CEP350: variants seen among roughly 807,000 people sequenced by gnomAD.
CEP350 encodes centrosome-associated protein 350.
A neutral mutation model predicts 331.8 loss-of-function variants in CEP350; 126 were observed. That is an observed-to-expected ratio of 0.38 (90% CI 0.33 to 0.44). CEP350 has a LOEUF of 0.44. Ranked by LOEUF, CEP350 falls within the 20% of genes least tolerant of loss-of-function variation. The pLI, the probability that CEP350 is intolerant of heterozygous loss-of-function variation, is 1.00. For synonymous variants in CEP350, 1,200 were observed against 1,259.5 expected, an observed-to-expected ratio of 0.95 and a Z score of 1.00; for missense variants, 3,406 against 3,634.6, an observed-to-expected ratio of 0.94 and a Z score of 1.62.
chr1:179,955,868 C>T (rs914457215), intron 1 of CEP350, among the ~76,000 whole-genome samples: 27 of 152,146 alleles, frequency 1.8e-4, no homozygotes, highest in Non-Finnish European at 2.8e-4. Context: ...TGATCAATAT[C>T]CATGTACTCC....
intron 34 of CEP350, 108 bp from the exon 35 acceptor site, chr1:180,095,415 T>C (rs1660428630): frequency 1.1e-5 from 14 of 1,260,278 alleles, no homozygotes; most frequent in Non-Finnish European, 1.4e-5. Context: ...TGCTTACTTA[T>C]AGAGAAATAT....
chr1:180,055,834 C>T lies in CEP350; in HGVS notation c.5262+1332C>T, dbSNP rs940191618. Among the ~76,000 whole-genome samples, 26 of 152,062 alleles carry T rather than the reference C, an allele frequency of 1.7e-4. 2 individuals are homozygous for T. The highest frequency in any genetic ancestry group is 1.5e-5 in the Non-Finnish European group (1 of 68,000). On this transcript the variant is annotated intron_variant, in intron 25 of 37. Coordinates refer to ENST00000367607, the MANE Select transcript of CEP350 (RefSeq NM_014810.5). ...TGCTGGGATTACAGGCATGAGCCAC[C>T]TTACCCGGCCTGAATTCTATTTTTT...
In CEP350 at chr1:180,114,019, G is replaced by A. The variant is rs975318121; in HGVS notation, c.*2858G>A. Reference sequence around the variant, plus strand: ...AATTTTTACCATAGGGAAAAGTGGGGAGAGCTCAAACGTAGTTAATAAGGA... The same window carrying A: ...AATTTTTACCATAGGGAAAAGTGGGAAGAGCTCAAACGTAGTTAATAAGGA... On this transcript the variant is annotated 3_prime_UTR_variant, in exon 38 of 38. Transcript: ENST00000367607. 1 of 152,586 alleles carries A rather than the reference G, an allele frequency of 6.6e-6. No homozygotes were observed. The highest frequency in any genetic ancestry group is 1.5e-5 in the Non-Finnish European group (1 of 68,014). The allele number at this position is 152,586 out of a possible 1,614,324, so 9.5% of individuals were successfully genotyped here.
chr1:180,058,733 A>G (rs745729983), intron 25 of CEP350, among the ~76,000 whole-genome samples: 17 of 152,218 alleles, frequency 1.1e-4, no homozygotes, highest in Non-Finnish European at 2.4e-4. Context: ...TTAAGTAAAT[A>G]TGCAAAATAT....
At chr1:179,969,228 C>T (rs998566256) in intron 1 of CEP350, 36 of 521,862 alleles carry the variant, frequency 6.9e-5, no homozygotes, top group South Asian at 5.7e-4. Context: ...GAAGTCATGC[C>T]TGATCTCTAC....
intron 6 of CEP350, 138 bp from the exon 7 acceptor site, chr1:180,003,036 A>G: frequency 1.7e-6 from 1 of 596,186 alleles, no homozygotes; most frequent in Non-Finnish European, 3.0e-6. Flanking sequence ...TTTTGTGAAT[A>G]TACTATAAAC....
intron 36 of CEP350, among the ~76,000 whole-genome samples, chr1:180,097,978 T>C (rs1382570358): frequency 2.6e-5 from 4 of 152,232 alleles, no homozygotes; most frequent in Non-Finnish European, 5.9e-5. Context: ...GTTTTTTCTT[T>C]GTTTTTCTTG....
rs750225372 is a variant in CEP350 at position 180,014,374 on chromosome 1, A to C, written c.1921A>C (p.Thr641Pro). The change falls in exon 10 of 38, where the codon ACT (threonine) becomes CCT (proline). Residue 641 changes from threonine (T) to proline (P), a missense_variant. By Grantham distance (38) the Thr-to-Pro change is conservative. Transcript: ENST00000367607. ...ELYRKQKEAF[T>P]KVKNVPPSEP... Reference sequence around the variant, plus strand: ...CTACCGGAAGCAGAAGGAAGCCTTTACTAAAGTAAAAAATGTCCCTCCTTC... The same window carrying C: ...CTACCGGAAGCAGAAGGAAGCCTTTCCTAAAGTAAAAAATGTCCCTCCTTC... 6.3e-7 allele frequency: 1 copy of C among 1,595,488 alleles called. No homozygotes were observed. The highest frequency in any genetic ancestry group is 1.3e-5 in the African/African-American group (1 of 74,628).
chr1:180,018,679 T>A (rs12144346), intron 11 of CEP350, among the ~76,000 whole-genome samples: 13,192 of 152,222 alleles, frequency 0.087, 707 homozygotes, highest in Middle Eastern at 0.12. Flanking sequence ...CATATTAGTT[T>A]GGTTTACGAT....
Position 180,080,673 on chromosome 1 carries a change from C to T in CEP350, c.6124+12C>T, listed in dbSNP as rs761674767. The T allele has an allele frequency of 1.2e-6, 2 of 1,610,858 alleles. No individual in the cohort carries two copies. Among genetic ancestry groups the T allele is most frequent in the South Asian group, 1.1e-5 (1 of 90,994 alleles). ...TATGACACAGTCAGGTAAGACTAATCATGAGGAGTTTTTATTTGTGTTGTA... is the reference window on the plus strand; with the variant it reads ...TATGACACAGTCAGGTAAGACTAATTATGAGGAGTTTTTATTTGTGTTGTA... On this transcript the variant is annotated intron_variant, in intron 30 of 37. Coordinates refer to ENST00000367607, the MANE Select transcript of CEP350 (RefSeq NM_014810.5).
chr1:180,090,272 C>T (rs949801464), intron 32 of CEP350, among the ~76,000 whole-genome samples: 7 of 151,838 alleles, frequency 4.6e-5, no homozygotes, highest in Admixed American at 6.6e-5. Context: ...TGAGGCCGGG[C>T]GCGGTGGCTC....
At position 180,034,265 on chromosome 1, in the gene CEP350, T is replaced by C. The variant is rs1656204427; in HGVS notation, c.3946+183T>C. ...GAAAAGCACGAGAGGTTCAGTAATG[T>C]TGACTTTTTTCCCATCTTGTCAGCC... On this transcript the variant is annotated intron_variant, in intron 16 of 37. Coordinates refer to ENST00000367607, the MANE Select transcript of CEP350 (RefSeq NM_014810.5). Among the ~76,000 whole-genome samples the C allele has an allele frequency of 2.0e-5, 3 of 152,292 alleles. No individual in the cohort carries two copies. In the South Asian group the frequency reaches 6.2e-4, roughly 32 times the overall value.
intron 32 of CEP350, among the ~76,000 whole-genome samples, 169 bp from the exon 33 acceptor site, chr1:180,090,545 C>CAAAAAAAAAAAAAAAAAAAAA (rs36128628): frequency 5.8e-4 from 45 of 77,358 alleles, no homozygotes; most frequent in Non-Finnish European, 9.2e-4. Context: ...GACTCCGTCT[C>CAAAAAAAAAAAAAAAAAAAAA]AAAAAAAAAA....
At chr1:180,031,078 C>G (rs533559498) in intron 14 of CEP350, among the ~76,000 whole-genome samples, 1 of 151,834 alleles carries the variant, frequency 6.6e-6, no homozygotes, top group Non-Finnish European at 1.5e-5. Flanking sequence ...TACTATTGCA[C>G]TAAGAATGAT....
chr1:179,991,707 G>GTATATA (rs756278179), intron 4 of CEP350, among the ~76,000 whole-genome samples: 119 of 96,960 alleles, frequency 1.2e-3, no homozygotes, highest in Middle Eastern at 9.4e-3. Context: ...GTGTGTGTGT[G>GTATATA]TATATATATA....
In CEP350 at chr1:180,019,966, C is replaced by T; in HGVS notation, c.2192C>T (p.Ser731Phe). ...QPLARKDLME[S>F]TWMQPERLSP... ...ATTTCCAGAAAAGACTTGATGGAAT[C>T]TACATGGATGCAGCCTGAAAGATTG... The change falls in exon 12 of 38, where the codon TCT becomes TTT. Residue 731 changes from serine to phenylalanine, a missense_variant. Physicochemically the swap from Ser to Phe is radical, Grantham distance 155 (BLOSUM62 -2). Around this residue, in one of 5 missense-constraint regions of CEP350, gnomAD observed 1,857 missense variants for 1,909.2 expected, o/e 0.97. Transcript: ENST00000367607. 6.2e-7 allele frequency: 1 copy of T among 1,602,500 alleles called. No individual in the cohort carries two copies. Among genetic ancestry groups the T allele is most frequent in the Non-Finnish European group, 8.5e-7 (1 of 1,175,322 alleles).
chr1:180,015,879 T>A lies in CEP350; in HGVS notation c.2083T>A (p.Ser695Thr). 6.2e-7 allele frequency: 1 copy of A among 1,613,900 alleles called. No individual in the cohort carries two copies. Among genetic ancestry groups the A allele is most frequent in the Non-Finnish European group, 8.5e-7 (1 of 1,179,842 alleles). The change falls in exon 11 of 38, where the codon TCT becomes ACT. Residue 695 changes from serine (S) to threonine (T), a missense_variant. Around this residue, in one of 5 missense-constraint regions of CEP350, gnomAD observed 1,857 missense variants for 1,909.2 expected, o/e 0.97. Coordinates refer to ENST00000367607, the MANE Select transcript of CEP350 (RefSeq NM_014810.5). ...AKPGYQPSGE[S>T]DKENKVQERP... ...ACCAGGGTATCAGCCATCTGGAGAA[T>A]CTGACAAAGAAAACAAAGTACAGGA...
chr1:179,972,217 G>A (rs1235358173), intron 1 of CEP350, among the ~76,000 whole-genome samples: 1 of 152,200 alleles, frequency 6.6e-6, no homozygotes, highest in African/African-American at 2.4e-5. Flanking sequence ...TCATTGGCAT[G>A]TAGGTGGTTT....
chr1:180,038,451 A>G (rs1656521112), intron 17 of CEP350, among the ~76,000 whole-genome samples: 1 of 152,192 alleles, frequency 6.6e-6, no homozygotes, highest in South Asian at 2.1e-4. Flanking sequence ...AAACTTTATA[A>G]GAAACTGCCA....
Sources: gnomAD v4.1 joint callset for allele counts (sites outside exome capture counted in the v4.1 genomes callset) on GRCh38, gnomAD v4.1.1 for gene constraint, gnomAD v4.1.1 regional missense constraint, MANE v1.5 for transcripts, NCBI Gene and HGNC (gene_info 2026-07-23, HGNC 2026-07-21) for gene names.